The following UBE2W variants were observed in gnomAD, a reference collection of about 807,000 sequenced individuals.
The protein encoded by UBE2W is ubiquitin-conjugating enzyme E2 W.
UBE2W carries 18 observed loss-of-function variants against 27.2 expected under a neutral mutation model. The ratio of observed to expected loss-of-function variants is 0.66; its 90% confidence interval spans 0.46 to 0.98. The LOEUF is 0.98. Among genes scored for constraint, UBE2W ranks in the 50% least tolerant of loss-of-function variants. UBE2W has a pLI of 0.00. For missense variants in UBE2W, 90 were observed against 180.2 expected (o/e 0.50, Z 2.87); for synonymous variants, 53 against 57.2 (o/e 0.93, Z 0.33).
At position 73,788,764 on chromosome 8, in the gene UBE2W, T is replaced by G; in HGVS notation, c.*5338A>C. On this transcript the variant is annotated 3_prime_UTR_variant, in exon 6 of 6. Transcript: ENST00000602593. ...CAATGAGAAAACAACTTAGAATCGT[T>G]GTAGGACCATCCTTTTCTCAAAACC... 1.0e-6 allele frequency: 1 copy of G among 985,390 alleles called. No individual in the cohort carries two copies. Among genetic ancestry groups the G allele is most frequent in the Non-Finnish European group, 1.2e-6 (1 of 829,932 alleles). The allele number at this position is 985,390 out of a possible 1,614,324, so 61.0% of individuals were successfully genotyped here.
intron 1 of UBE2W, among the ~76,000 whole-genome samples, chr8:73,869,976 T>C (rs910991539): frequency 5.3e-5 from 8 of 152,146 alleles, no homozygotes; most frequent in African/African-American, 1.9e-4. Flanking sequence ...AAAAAATAGA[T>C]GAGTGGTTTC....
chr8:73,847,041 C>T (rs1324184844), intron 1 of UBE2W, among the ~76,000 whole-genome samples: 1 of 151,982 alleles, frequency 6.6e-6, no homozygotes, highest in East Asian at 1.9e-4. Context: ...TGGTGGCACG[C>T]ACCTGTAATC....
intron 1 of UBE2W, among the ~76,000 whole-genome samples, chr8:73,861,589 T>G (rs1467490133): frequency 6.6e-6 from 1 of 152,188 alleles, no homozygotes; most frequent in East Asian, 1.9e-4. Context: ...ATCCCAGGCA[T>G]GAGCCATCGT....
intron 1 of UBE2W, among the ~76,000 whole-genome samples, chr8:73,832,841 G>A (rs1473272743): frequency 6.6e-6 from 1 of 152,172 alleles, no homozygotes; most frequent in Non-Finnish European, 1.5e-5. Flanking sequence ...AACAGCTTGA[G>A]TTAAAAGTGC....
chr8:73,832,916 G>A (rs1424261781), intron 1 of UBE2W, among the ~76,000 whole-genome samples: 1 of 152,156 alleles, frequency 6.6e-6, no homozygotes, highest in Admixed American at 6.5e-5. Context: ...TCGGCTGGGC[G>A]TTGTGGCTCA....
chr8:73,788,076 CAA>C lies in UBE2W; in HGVS notation c.*6024_*6025del. 2 of 984,486 alleles carry C rather than the reference CAA, an allele frequency of 2.0e-6. No homozygotes were observed. Among genetic ancestry groups the C allele is most frequent in the African/African-American group, 1.7e-5 (1 of 57,226 alleles). The allele number at this position is 984,486 out of a possible 1,614,324, so 61.0% of individuals were successfully genotyped here. On this transcript the variant is annotated 3_prime_UTR_variant, in exon 6 of 6. Transcript: ENST00000602593. ...GTACAAATACTTTTACGTCATAAAC[CAA>C]AAAGAGGTCTGGTATCTATCCCATT...
At chr8:73,839,478 C>G (rs1369587896) in intron 1 of UBE2W, among the ~76,000 whole-genome samples, 1 of 151,630 alleles carries the variant, frequency 6.6e-6, no homozygotes, top group Admixed American at 6.6e-5. Flanking sequence ...ATGGTGAAAC[C>G]CCATCTCTAC....
chr8:73,794,174 C>T (rs1808319255), intron 5 of UBE2W, 59 bp from the exon 6 acceptor site: 1 of 1,580,702 alleles, frequency 6.3e-7, no homozygotes. Context: ...GTAAATTCTA[C>T]AAGTCTGTTT....
intron 1 of UBE2W, among the ~76,000 whole-genome samples, chr8:73,863,224 T>C (rs2130975753): frequency 6.8e-6 from 1 of 146,712 alleles, no homozygotes; most frequent in Admixed American, 6.7e-5. Flanking sequence ...GTGGCACATA[T>C]ACACCATGGA....
rs1809243467 is a variant in UBE2W at position 73,813,180 on chromosome 8, G to T, written c.211-2551C>A. On this transcript the variant is annotated intron_variant, in intron 3 of 5. Transcript: ENST00000602593. The stretch of plus-strand genomic sequence containing the variant: ...CTTTAAAGAAAATAGCAACACGAAG[G>T]TTACTACATCATGTTTCACCCAGCC... Among the ~76,000 whole-genome samples, 3 of 148,832 alleles carry T rather than the reference G, an allele frequency of 2.0e-5. No individual in the cohort carries two copies. In the South Asian group the frequency reaches 6.4e-4, roughly 32 times the overall value.
chr8:73,818,461 C>T (rs890235438), intron 3 of UBE2W, among the ~76,000 whole-genome samples: 4 of 152,142 alleles, frequency 2.6e-5, no homozygotes, highest in Non-Finnish European at 5.9e-5. Flanking sequence ...AGGACTATAT[C>T]GTTCCTCTGC....
Position 73,792,266 on chromosome 8 carries a change from C to A in UBE2W, c.*1836G>T, listed in dbSNP as rs890012708. On this transcript the variant is annotated 3_prime_UTR_variant, in exon 6 of 6. Transcript: ENST00000602593. ...TTATCTAGTCAAGATAGAACAAAAACGGTTATAATTTTTTAAAAGTGGTAA... is the reference window on the plus strand; with the variant it reads ...TTATCTAGTCAAGATAGAACAAAAAAGGTTATAATTTTTTAAAAGTGGTAA... 2 of 985,328 alleles carry A rather than the reference C, an allele frequency of 2.0e-6. No individual in the cohort carries two copies. The highest frequency in any genetic ancestry group is 3.5e-5 in the African/African-American group (2 of 57,194). The allele number at this position is 985,328 out of a possible 1,614,324, so 61.0% of individuals were successfully genotyped here.
chr8:73,851,963 TA>T lies in UBE2W; in HGVS notation c.16-21492del, dbSNP rs1229715370. On this transcript the variant is annotated intron_variant, in intron 1 of 5. Transcript: ENST00000602593. ...ACCCAGTCTCTCTTTTTTTTTTTTT[TA>T]AAAAAAAAAAAAAAGGAAAGAGAAG... Among the ~76,000 whole-genome samples, 415 of 117,270 alleles carry T rather than the reference TA, an allele frequency of 3.5e-3. 4 individuals are homozygous for T. Among genetic ancestry groups the T allele is most frequent in the South Asian group, 0.024 (92 of 3,776 alleles). 76.9% of individuals were successfully genotyped at this position (117,270 alleles called of 152,430 possible).
chr8:73,816,009 C>T (rs141862322), intron 3 of UBE2W, among the ~76,000 whole-genome samples: 29 of 152,250 alleles, frequency 1.9e-4, no homozygotes, highest in Non-Finnish European at 3.2e-4. Flanking sequence ...CTACCATAAA[C>T]GGTATTTGAC....
In UBE2W at chr8:73,794,135, AAG is replaced by A; in HGVS notation, c.443-22_443-21del. 1.2e-6 allele frequency: 2 copies of A among 1,611,632 alleles called. No individual in the cohort carries two copies. Among genetic ancestry groups the A allele is most frequent in the Non-Finnish European group, 1.7e-6 (2 of 1,178,880 alleles). On this transcript the variant is annotated intron_variant, in intron 5 of 5. Coordinates refer to ENST00000602593, the MANE Select transcript of UBE2W (RefSeq NM_018299.6). ...TATCATCTTTAAGAAAAGGAGAAAA[AAG>A]ATAATTAAAAAGTCAAGCATGTATA...
intron 4 of UBE2W, among the ~76,000 whole-genome samples, chr8:73,808,819 C>A (rs988588378): frequency 6.6e-6 from 1 of 152,038 alleles, no homozygotes; most frequent in Non-Finnish European, 1.5e-5. Flanking sequence ...ACAAGAAACA[C>A]TAGTAGCAGA....
chr8:73,787,891 C>G lies in UBE2W; in HGVS notation c.*6211G>C, dbSNP rs753025304. 15 of 985,218 alleles carry G rather than the reference C, an allele frequency of 1.5e-5. No homozygotes were observed. In the Admixed American group the frequency reaches 9.2e-4, roughly 61 times the overall value. The allele number at this position is 985,218 out of a possible 1,614,324, so 61.0% of individuals were successfully genotyped here. A position where few individuals can be genotyped will look rare whatever the true frequency, so the allele number is the denominator to read the frequency against. On this transcript the variant is annotated 3_prime_UTR_variant, in exon 6 of 6. Coordinates refer to ENST00000602593, the MANE Select transcript of UBE2W (RefSeq NM_018299.6). The stretch of plus-strand genomic sequence containing the variant: ...GAAAACACTCAGTCTTTAGTTGGGA[C>G]TTATTAAAACACTAAAACTAGCTAC...
At position 73,787,812 on chromosome 8, in the gene UBE2W, T is replaced by G. The variant is rs898677525; in HGVS notation, c.*6290A>C. 6.1e-6 allele frequency: 6 copies of G among 985,300 alleles called. No individual in the cohort carries two copies. In the African/African-American group the frequency reaches 1.0e-4, roughly 17 times the overall value. The allele number at this position is 985,300 out of a possible 1,614,324, so 61.0% of individuals were successfully genotyped here. On this transcript the variant is annotated 3_prime_UTR_variant, in exon 6 of 6. Transcript: ENST00000602593. ...TTGTACAACTTGAAGTTCAGGAACA[T>G]CGGACTCACGATAACTCTAAGCAAG...
At chr8:73,876,949 A>G (rs1487278523) in intron 1 of UBE2W, among the ~76,000 whole-genome samples, 2 of 152,274 alleles carry the variant, frequency 1.3e-5, no homozygotes, top group Admixed American at 1.3e-4. Context: ...CCTGGGCAAC[A>G]AGAGCGAAAC....
Sources: gnomAD v4.1 joint callset for allele counts (sites outside exome capture counted in the v4.1 genomes callset) on GRCh38, gnomAD v4.1.1 for gene constraint, MANE v1.5 for transcripts, NCBI Gene and HGNC (gene_info 2026-07-23, HGNC 2026-07-21) for gene names.